The following CNTN5 variants were observed in gnomAD, a reference collection of about 807,000 sequenced individuals.
CNTN5 encodes contactin-5.
Under a neutral mutation model 129.1 loss-of-function variants are expected in CNTN5, and 77 were observed. The observed-to-expected ratio is 0.60, with a 90% CI of 0.50 to 0.72. CNTN5 has a LOEUF of 0.72. Among genes scored for constraint, CNTN5 ranks in the 30% least tolerant of loss-of-function variants. The pLI is 0.00. For synonymous variants in CNTN5, 509 were observed against 465.6 expected, an observed-to-expected ratio of 1.09 and a Z score of -1.20; for missense variants, 1,478 against 1,328.8, an observed-to-expected ratio of 1.11 and a Z score of -1.75.
intron 18 of CNTN5, among the ~76,000 whole-genome samples, chr11:100,273,531 C>T (rs377089170): frequency 6.6e-6 from 1 of 152,160 alleles, no homozygotes; most frequent in Non-Finnish European, 1.5e-5. Context: ...GATCCTCCCC[C>T]ACCTTGAGTG....
At chr11:100,045,286 G>T (rs1242910529) in intron 9 of CNTN5, among the ~76,000 whole-genome samples, 6 of 152,080 alleles carry the variant, frequency 3.9e-5, no homozygotes. Flanking sequence ...TAAGAATTTA[G>T]GTAAATGGAC....
At chr11:99,570,424 A>G (rs189469910) in intron 3 of CNTN5, among the ~76,000 whole-genome samples, 41 of 152,318 alleles carry the variant, frequency 2.7e-4, no homozygotes, top group African/African-American at 9.4e-4. Context: ...CATCATAGCT[A>G]TAGATAGAAA....
At chr11:99,783,017 A>G (rs897464197) in intron 3 of CNTN5, among the ~76,000 whole-genome samples, 11 of 150,868 alleles carry the variant, frequency 7.3e-5, no homozygotes, top group Admixed American at 5.3e-4. Flanking sequence ...AAAAGAAACT[A>G]CCATCAGAGT....
chr11:99,751,977 T>C (rs1396921307), intron 3 of CNTN5, among the ~76,000 whole-genome samples: 1 of 152,098 alleles, frequency 6.6e-6, no homozygotes, highest in East Asian at 1.9e-4. Context: ...CAAAGTGCCA[T>C]CTTGTAAGCA....
chr11:99,703,541 A>T (rs532841792), intron 3 of CNTN5, among the ~76,000 whole-genome samples: 82 of 150,998 alleles, frequency 5.4e-4, no homozygotes, highest in Non-Finnish European at 8.9e-4. Context: ...TAGTCTTACG[A>T]GGTAAGTGTT....
intron 7 of CNTN5, among the ~76,000 whole-genome samples, chr11:99,939,354 T>G (rs73553321): frequency 0.014 from 2,110 of 152,198 alleles, 58 homozygotes; most frequent in African/African-American, 0.047. Flanking sequence ...TAGAAATACA[T>G]ATTTTGTTAT....
chr11:100,314,579 T>C (rs1214927949), intron 21 of CNTN5, among the ~76,000 whole-genome samples: 3 of 152,158 alleles, frequency 2.0e-5, no homozygotes, highest in Non-Finnish European at 4.4e-5. Context: ...TTTTCCTTAA[T>C]AAATAATCAA....
chr11:99,518,104 A>G (rs942679482), intron 2 of CNTN5, among the ~76,000 whole-genome samples: 1 of 152,126 alleles, frequency 6.6e-6, no homozygotes, highest in African/African-American at 2.4e-5. Context: ...ATATTACTCA[A>G]TTCTAATTAT....
At chr11:99,024,292 G>GTT (rs1316009626) in intron 1 of CNTN5, among the ~76,000 whole-genome samples, 1 of 151,984 alleles carries the variant, frequency 6.6e-6, no homozygotes, top group Non-Finnish European at 1.5e-5. Flanking sequence ...ATTAGTTTAT[G>GTT]TTTTTTCCAG....
chr11:100,151,184 T>C (rs995502543), intron 13 of CNTN5, among the ~76,000 whole-genome samples: 2 of 150,290 alleles, frequency 1.3e-5, no homozygotes, highest in Middle Eastern at 3.4e-3. Flanking sequence ...GTTGTTGTAA[T>C]TGTTGTGTGT....
chr11:100,055,213 A>G lies in CNTN5; in HGVS notation c.981-5999A>G, dbSNP rs543214120. Among the ~76,000 whole-genome samples the G allele has an allele frequency of 5.3e-4, 80 of 151,704 alleles. 1 individual carries two copies. The highest frequency in any genetic ancestry group is 1.9e-3 in the African/African-American group (79 of 41,532). ...TTTCAGTATTTATTTCTAAAGTCAG[A>G]AGCTCATCGATATCTTAACCATCTT... On this transcript the variant is annotated intron_variant, in intron 9 of 24. Coordinates refer to ENST00000524871, the MANE Select transcript of CNTN5 (RefSeq NM_014361.4).
intron 3 of CNTN5, among the ~76,000 whole-genome samples, chr11:99,780,504 G>C (rs1164446192): frequency 1.3e-5 from 2 of 151,988 alleles, no homozygotes; most frequent in Non-Finnish European, 2.9e-5. Context: ...TTTTAAGAGT[G>C]AGATTCTCAA....
At position 99,091,751 on chromosome 11, in the gene CNTN5, G is replaced by A. The variant is rs555940531; in HGVS notation, c.-210+70481G>A. Among the ~76,000 whole-genome samples the A allele has an allele frequency of 7.2e-5, 11 of 152,286 alleles. No individual in the cohort carries two copies. The South Asian group carries it at 2.3e-3, about 32-fold the overall frequency. On this transcript the variant is annotated intron_variant, in intron 1 of 24. Coordinates refer to ENST00000524871, the MANE Select transcript of CNTN5 (RefSeq NM_014361.4). ...TGTCTCATTAGCTAAAGGCTGGTTG[G>A]CAACAGAACTTGAGCAACCTAGTTT...
chr11:100,096,066 A>G (rs575650391), intron 13 of CNTN5, among the ~76,000 whole-genome samples: 15 of 152,202 alleles, frequency 9.9e-5, no homozygotes, highest in African/African-American at 3.4e-4. Context: ...CTGTGCAGTT[A>G]CATAAAGCAC....
At chr11:100,300,080 T>C (rs1951185569) in intron 20 of CNTN5, among the ~76,000 whole-genome samples, 1 of 151,476 alleles carries the variant, frequency 6.6e-6, no homozygotes, top group African/African-American at 2.4e-5. Flanking sequence ...CCATGTTTAA[T>C]TCACAAGATA....
At chr11:100,197,147 G>A (rs112054648) in intron 15 of CNTN5, among the ~76,000 whole-genome samples, 42 of 152,062 alleles carry the variant, frequency 2.8e-4, no homozygotes, top group African/African-American at 9.6e-4. Context: ...GAGCGAGCAC[G>A]TTGGGCAAAC....
At chr11:100,254,180 T>C (rs1950023534) in intron 16 of CNTN5, among the ~76,000 whole-genome samples, 1 of 152,176 alleles carries the variant, frequency 6.6e-6, no homozygotes, top group Non-Finnish European at 1.5e-5. Flanking sequence ...TCTAACCAAA[T>C]TTGAACTCTA....
chr11:99,794,586 C>G (rs1028150189), intron 3 of CNTN5, among the ~76,000 whole-genome samples: 4 of 152,132 alleles, frequency 2.6e-5, no homozygotes, highest in Admixed American at 2.6e-4. Flanking sequence ...ATATTTAGCA[C>G]TCCTTCAGGA....
intron 1 of CNTN5, among the ~76,000 whole-genome samples, chr11:99,230,852 C>G (rs555022124): frequency 8.5e-5 from 13 of 152,052 alleles, no homozygotes; most frequent in African/African-American, 2.9e-4. Flanking sequence ...CTCCTCCCTA[C>G]GTCCACGTGT....
Sources: gnomAD v4.1 joint callset for allele counts (sites outside exome capture counted in the v4.1 genomes callset) on GRCh38, gnomAD v4.1.1 for gene constraint, MANE v1.5 for transcripts, NCBI Gene and HGNC (gene_info 2026-07-23, HGNC 2026-07-21) for gene names.